The following ENTREP2 variants were observed in gnomAD, a reference collection of about 807,000 sequenced individuals.
ENTREP2 encodes the protein protein ENTREP2.
chr15:29,539,888 C>T, the ENTREP2 span, among the ~76,000 whole-genome samples: 1 of 152,148 alleles, frequency 6.6e-6, no homozygotes, highest in Non-Finnish European at 1.5e-5. Flanking sequence ...CGAGCCCTCA[C>T]ACCATGCCAG....
the ENTREP2 span, among the ~76,000 whole-genome samples, chr15:29,172,588 G>A: frequency 6.6e-6 from 1 of 152,126 alleles, no homozygotes; most frequent in Non-Finnish European, 1.5e-5. Flanking sequence ...TGGGGGAGAA[G>A]GGAGAGGGAG....
the ENTREP2 span, among the ~76,000 whole-genome samples, chr15:29,287,562 T>A: frequency 7.2e-5 from 11 of 152,180 alleles, no homozygotes; most frequent in African/African-American, 2.4e-5. Flanking sequence ...AGTAGAAATA[T>A]ATCTAATGAG....
the ENTREP2 span, among the ~76,000 whole-genome samples, chr15:29,394,932 C>G: frequency 1.4e-5 from 2 of 143,592 alleles, no homozygotes; most frequent in Admixed American, 1.4e-4. Context: ...CTGTCGCCCA[C>G]GCCGGAGTGC....
chr15:29,507,826 C>T, the ENTREP2 span, among the ~76,000 whole-genome samples: 1 of 152,268 alleles, frequency 6.6e-6, no homozygotes, highest in Admixed American at 6.5e-5. Context: ...AACACCCTAA[C>T]ATCACAATGA....
At chr15:29,535,393 A>T in the ENTREP2 span, among the ~76,000 whole-genome samples, 3 of 150,670 alleles carry the variant, frequency 2.0e-5, no homozygotes, top group African/African-American at 4.9e-5. Context: ...AATAAAAACT[A>T]AACAGTAAGG....
chr15:29,275,193 G>C, the ENTREP2 span, among the ~76,000 whole-genome samples: 1 of 152,186 alleles, frequency 6.6e-6, no homozygotes, highest in African/African-American at 2.4e-5. Context: ...TCAGTAGAAC[G>C]ATGAGAAAGA....
chr15:29,498,097 A>G, the ENTREP2 span, among the ~76,000 whole-genome samples: 1 of 152,114 alleles, frequency 6.6e-6, no homozygotes, highest in South Asian at 2.1e-4. Context: ...CTGAGTTCTC[A>G]TGACAGCTGA....
At chr15:29,653,830 G>C in the ENTREP2 span, among the ~76,000 whole-genome samples, 2 of 151,578 alleles carry the variant, frequency 1.3e-5, no homozygotes, top group African/African-American at 4.9e-5. Flanking sequence ...ACGTGGTCCA[G>C]AGAGAGCTTA....
At chr15:29,636,258 G>A in the ENTREP2 span, among the ~76,000 whole-genome samples, 36 of 152,304 alleles carry the variant, frequency 2.4e-4, no homozygotes, top group African/African-American at 6.0e-4. Context: ...GACGAGGGGC[G>A]TTTCCTCACG....
the ENTREP2 span, among the ~76,000 whole-genome samples, chr15:29,126,943 G>A: frequency 1.3e-4 from 20 of 152,284 alleles, no homozygotes; most frequent in African/African-American, 3.6e-4. Context: ...GATAAACTCC[G>A]CCCACCAGAC....
the ENTREP2 span, chr15:29,613,848 T>C: frequency 6.0e-6 from 1 of 166,076 alleles, no homozygotes. Context: ...TCACCAGTTG[T>C]GGAAGCCAGC....
chr15:29,363,721 T>C, the ENTREP2 span, among the ~76,000 whole-genome samples: 16 of 152,200 alleles, frequency 1.1e-4, 1 homozygote, highest in South Asian at 2.1e-3. Flanking sequence ...GGAAAGACAA[T>C]CAAAGCTATT....
chr15:29,158,927 C>G, the ENTREP2 span, among the ~76,000 whole-genome samples: 2 of 152,114 alleles, frequency 1.3e-5, no homozygotes, highest in Non-Finnish European at 2.9e-5. Flanking sequence ...TCTCTCCAGT[C>G]TACGTAAGTT....
the ENTREP2 span, among the ~76,000 whole-genome samples, chr15:29,503,011 A>T: frequency 6.6e-6 from 1 of 152,102 alleles, no homozygotes; most frequent in Non-Finnish European, 1.5e-5. Context: ...TGCTGATAGG[A>T]ATGTAAAATG....
chr15:29,182,127 A>ATT, the ENTREP2 span, among the ~76,000 whole-genome samples: 3 of 144,798 alleles, frequency 2.1e-5, no homozygotes, highest in Non-Finnish European at 3.0e-5. Context: ...AAAAAAAAGA[A>ATT]TTTTTTTTTT....
the ENTREP2 span, chr15:29,234,153 G>T: frequency 6.3e-7 from 1 of 1,575,914 alleles, no homozygotes; most frequent in Non-Finnish European, 8.7e-7. Flanking sequence ...TGTCATTCTC[G>T]TTCACTCTCA....
At chr15:29,263,709 C>G in the ENTREP2 span, among the ~76,000 whole-genome samples, 1 of 151,754 alleles carries the variant, frequency 6.6e-6, no homozygotes, top group Non-Finnish European at 1.5e-5. Context: ...GATAAATATC[C>G]TATAACTTCA....
At chr15:29,192,406 G>A in the ENTREP2 span, among the ~76,000 whole-genome samples, 1 of 152,192 alleles carries the variant, frequency 6.6e-6, no homozygotes, top group Non-Finnish European at 1.5e-5. Context: ...TGCTGAGGAT[G>A]GAGAAAGCTG....
At chr15:29,270,653 GAA>G in the ENTREP2 span, among the ~76,000 whole-genome samples, 6,909 of 151,764 alleles carry the variant, frequency 0.046, 512 homozygotes, top group African/African-American at 0.15. Flanking sequence ...TAGCTTTGAG[GAA>G]AAAAAAGAGA....
Sources: allele counts gnomAD v4.1 joint callset (sites outside exome capture counted in the v4.1 genomes callset), GRCh38; gene constraint gnomAD v4.1.1; transcripts MANE v1.5; gene names NCBI Gene and HGNC (gene_info 2026-07-23, HGNC 2026-07-21).